The following ADAM33 variants were observed in gnomAD, a reference collection of about 807,000 sequenced individuals.
The protein encoded by ADAM33 is disintegrin and metalloproteinase domain-containing protein 33.
A neutral mutation model predicts 106.2 loss-of-function variants in ADAM33; 103 were observed. The observed-to-expected ratio is 0.97, with a 90% confidence interval of 0.83 to 1.14. The LOEUF (loss-of-function observed/expected upper bound fraction) is 1.14, where lower values mean the gene tolerates loss of function less well. ADAM33 is among the 50% of genes most tolerant of loss of function. The pLI, the probability that ADAM33 is intolerant of heterozygous loss-of-function variation, is 0.00. For missense variants in ADAM33, 1,120 were observed against 1,096.6 expected (o/e 1.02, Z -0.30); for synonymous variants, 483 against 453.0 (o/e 1.07, Z -0.84).
Position 3,671,676 on chromosome 20 carries a change from C to T in ADAM33, c.1810G>A (p.Val604Met). 1.3e-6 allele frequency: 2 copies of T among 1,585,496 alleles called. No individual in the cohort carries two copies. Among genetic ancestry groups the T allele is most frequent in the Middle Eastern group, 1.7e-4 (1 of 6,030 alleles). ...DSTVHLDGQE[V>M]TCRGALALPS... Reference sequence around the variant, plus strand: ...AGTGCCAAGGCTCCCCGACAAGTCACTTCCTGGCCATCTAGGTGAACGGTA... The same window carrying T: ...AGTGCCAAGGCTCCCCGACAAGTCATTTCCTGGCCATCTAGGTGAACGGTA... The change falls in exon 16 of 22, where the codon GTG becomes ATG. Residue 604 changes from valine (V) to methionine (M), a missense_variant. Physicochemically the swap from Val to Met is conservative, Grantham distance 21 (BLOSUM62 1). Coordinates refer to ENST00000356518, the MANE Select transcript of ADAM33 (RefSeq NM_025220.5).
intron 3 of ADAM33, 150 bp downstream of exon 3, chr20:3,676,917 G>C: frequency 1.2e-6 from 1 of 806,832 alleles, no homozygotes; most frequent in South Asian, 2.1e-5. Flanking sequence ...CAGCCTCCAG[G>C]GAGCCAACCA....
In ADAM33 at chr20:3,672,148, T is replaced by A. The variant is rs776168462; in HGVS notation, c.1583A>T (p.Gln528Leu). Reference protein sequence around the residue: ...ACPTLEQQCQQLWGPGSHPAP... With the variant: ...ACPTLEQQCQLLWGPGSHPAP... ...TGTCCTCTCACCAGGCCCCCAGAGCTGCTGGCACTGCTGCTCCAGCGTGGG... is the reference window on the plus strand; with the variant it reads ...TGTCCTCTCACCAGGCCCCCAGAGCAGCTGGCACTGCTGCTCCAGCGTGGG... Residue 528 changes from glutamine to leucine, a missense_variant, in exon 14 of 22, where the codon CAG (glutamine) becomes CTG (leucine). By Grantham distance (113) the Gln-to-Leu change is moderately radical. Transcript: ENST00000356518. 12 of 1,611,604 alleles carry A rather than the reference T, an allele frequency of 7.4e-6. No individual in the cohort carries two copies. The highest frequency in any genetic ancestry group is 1.0e-5 in the Non-Finnish European group (12 of 1,179,074).
chr20:3,670,992 C>A lies in ADAM33; in HGVS notation c.2240+14G>T, dbSNP rs370779804. ...CGCAGGAGTAGGCTCAGGAAGCAGGCGCTCGGAGCCTACCCACTGCACGCA... is the reference window on the plus strand; with the variant it reads ...CGCAGGAGTAGGCTCAGGAAGCAGGAGCTCGGAGCCTACCCACTGCACGCA... On this transcript the variant is annotated intron_variant, in intron 19 of 21. Transcript: ENST00000356518. The A allele has an allele frequency of 3.3e-6, 5 of 1,536,050 alleles. No individual in the cohort carries two copies. Among genetic ancestry groups the A allele is most frequent in the Non-Finnish European group, 3.5e-6 (4 of 1,140,154 alleles).
chr20:3,678,681 G>A (rs900182063), intron 2 of ADAM33, among the ~76,000 whole-genome samples: 2 of 152,226 alleles, frequency 1.3e-5, no homozygotes, highest in Non-Finnish European at 2.9e-5. Context: ...TCTAGGAGGG[G>A]CAGGGGTGTA....
intron 19 of ADAM33, chr20:3,669,852 G>C: frequency 1.5e-6 from 1 of 659,980 alleles, no homozygotes; most frequent in Non-Finnish European, 2.7e-6. Context: ...CCCTCGGCTG[G>C]CACCTCCTCT....
chr20:3,674,805 G>A lies in ADAM33; in HGVS notation c.378C>T (p.Ser126=), dbSNP rs777275679. Residue 126 remains serine, a synonymous_variant, in exon 5 of 22, where the codon TCC becomes TCT. Transcript: ENST00000356518. ...YQGRVRGFPD[S]WVVLCTCSGM... Reference sequence around the variant, plus strand: ...CAGAGCAGGTGCAGAGGACTACCCAGGAGTCGGGGAAGCCCCTTACTCGCC... The same window carrying A: ...CAGAGCAGGTGCAGAGGACTACCCAAGAGTCGGGGAAGCCCCTTACTCGCC... 2.4e-5 allele frequency: 38 copies of A among 1,611,338 alleles called. No individual in the cohort carries two copies. The highest frequency in any genetic ancestry group is 3.2e-5 in the Non-Finnish European group (38 of 1,178,516).
At position 3,668,613 on chromosome 20, in the gene ADAM33, T is replaced by C. The variant is rs993220705; in HGVS notation, c.*350A>G. On this transcript the variant is annotated 3_prime_UTR_variant, in exon 22 of 22. Coordinates refer to ENST00000356518, the MANE Select transcript of ADAM33 (RefSeq NM_025220.5). ...CAGAGCTGGGTCCGTGGAAATTGCA[T>C]GTAGGAGACACACCAGACTCCCAGG... 2.9e-6 allele frequency: 1 copy of C among 339,212 alleles called. No homozygotes were observed. The highest frequency in any genetic ancestry group is 3.7e-5 in the South Asian group (1 of 26,914). The allele number at this position is 339,212 out of a possible 1,614,324, so 21.0% of individuals were successfully genotyped here.
intron 11 of ADAM33, 44 bp from the exon 12 acceptor site, chr20:3,672,942 C>T: frequency 6.7e-7 from 1 of 1,487,768 alleles, no homozygotes; most frequent in South Asian, 1.3e-5. Context: ...GACAGTCCCC[C>T]AACCCCCGCG....
intron 1 of ADAM33, 75 bp from the exon 2 acceptor site, chr20:3,679,646 G>T: frequency 3.7e-6 from 5 of 1,349,798 alleles, no homozygotes; most frequent in South Asian, 1.3e-5. Context: ...GAGGGAGGGG[G>T]GTAGAGGACA....
rs1471121911 is a variant in ADAM33 at position 3,677,049 on chromosome 20, C to A, written c.254+18G>T. On this transcript the variant is annotated intron_variant, in intron 3 of 21. Coordinates refer to ENST00000356518, the MANE Select transcript of ADAM33 (RefSeq NM_025220.5). ...CACTGATCCCCTCCTCCCAGCCCTACCCCAGCCTGGCACTCACTGGTTCTT... is the reference window on the plus strand; with the variant it reads ...CACTGATCCCCTCCTCCCAGCCCTAACCCAGCCTGGCACTCACTGGTTCTT... The A allele has an allele frequency of 6.2e-7, 1 of 1,611,794 alleles. No homozygotes were observed. The highest frequency in any genetic ancestry group is 8.5e-7 in the Non-Finnish European group (1 of 1,179,504).
chr20:3,675,182 C>T lies in ADAM33; in HGVS notation c.255-77G>A. ...CCAGGATGTCTCCCAGCCTTCCTCC[C>T]TAAATGCTAATGGAGCAGCTTTATG... On this transcript the variant is annotated intron_variant, in intron 3 of 21. Coordinates refer to ENST00000356518, the MANE Select transcript of ADAM33 (RefSeq NM_025220.5). The surrounding 1 kb of genome is among the most constrained non-coding windows in gnomAD (Gnocchi z 4.1). The T allele has an allele frequency of 3.5e-6, 4 of 1,140,106 alleles. No homozygotes were observed. The highest frequency in any genetic ancestry group is 5.2e-6 in the Non-Finnish European group (4 of 776,650). 70.6% of individuals were successfully genotyped at this position (1,140,106 alleles called of 1,614,324 possible).
In ADAM33 at chr20:3,675,286, G is replaced by A. The variant is rs1347525689; in HGVS notation, c.255-181C>T. Among the ~76,000 whole-genome samples the A allele has an allele frequency of 1.3e-5, 2 of 152,222 alleles. No individual in the cohort carries two copies. Among genetic ancestry groups the A allele is most frequent in the Non-Finnish European group, 2.9e-5 (2 of 68,028 alleles). On this transcript the variant is annotated intron_variant, in intron 3 of 21. Transcript: ENST00000356518. The surrounding 1 kb of genome is among the most constrained non-coding windows in gnomAD (Gnocchi z 4.1). ...CTCAGATCAGAAACTCTTGGGGCTA[G>A]AGGAAGGAGCCTTGGTGATGGCTTA...
rs765046256 is a variant in ADAM33, at chr20:3,668,952, G to A, written c.*11C>T. On this transcript the variant is annotated 3_prime_UTR_variant, in exon 22 of 22. Transcript: ENST00000356518. ...CCTGTCTTTAAATCTGTTCATTTTA[G>A]GAGCTACCTCTCACCAGAGGCAGGA... 6.2e-7 allele frequency: 1 copy of A among 1,613,750 alleles called. No individual in the cohort carries two copies. Among genetic ancestry groups the A allele is most frequent in the Non-Finnish European group, 8.5e-7 (1 of 1,179,792 alleles).
In ADAM33 at chr20:3,673,885, C is replaced by T. The variant is rs752555142; in HGVS notation, c.765G>A (p.Val255=). Residue 255 remains valine (V), a synonymous_variant, in exon 9 of 22, where the codon GTG becomes GTA. Coordinates refer to ENST00000356518, the MANE Select transcript of ADAM33 (RefSeq NM_025220.5). ...DQLLRTLDIQ[V]ALTGLEVWTE... ...TCCACACCTCCAGGCCGGTCAGCGC[C>T]ACCTGAATGTCCAGAGTCCTGAGAA... The T allele has an allele frequency of 3.8e-6, 6 of 1,563,390 alleles. No individual in the cohort carries two copies. The highest frequency in any genetic ancestry group is 4.3e-6 in the Non-Finnish European group (5 of 1,161,904).
chr20:3,673,373 C>T lies in ADAM33; in HGVS notation c.1114G>A (p.Val372Ile). ...GCGTACCCGGTGGCCGCAGCCATGA[C>T]GCAGCCTCCGGACTCGGCCGCAGCC... Reference protein sequence around the residue: ...VEAAAESGGCVMAAATGHPFP... With the variant: ...VEAAAESGGCIMAAATGHPFP... Residue 372 changes from valine (V) to isoleucine (I), a missense_variant, in exon 11 of 22, where the codon GTC becomes ATC. Physicochemically the swap from Val to Ile is conservative, Grantham distance 29. Transcript: ENST00000356518. The T allele has an allele frequency of 6.5e-7, 1 of 1,540,796 alleles. No homozygotes were observed.
In ADAM33 at chr20:3,668,542, T is replaced by C. The variant is rs962007659; in HGVS notation, c.*421A>G. ...GGGGAGTGTGGACTCAGTCGAACCATAGGGCCCCAGGACCACTAGCTTCTG... is the reference window on the plus strand; with the variant it reads ...GGGGAGTGTGGACTCAGTCGAACCACAGGGCCCCAGGACCACTAGCTTCTG... On this transcript the variant is annotated 3_prime_UTR_variant, in exon 22 of 22. Coordinates refer to ENST00000356518, the MANE Select transcript of ADAM33 (RefSeq NM_025220.5). 12 of 230,906 alleles carry C rather than the reference T, an allele frequency of 5.2e-5. No homozygotes were observed. Among genetic ancestry groups the C allele is most frequent in the African/African-American group, 2.5e-4 (11 of 44,720 alleles). The allele number at this position is 230,906 out of a possible 1,614,324, so 14.3% of individuals were successfully genotyped here.
chr20:3,675,576 T>C lies in ADAM33; in HGVS notation c.255-471A>G, dbSNP rs1464414287. ...CCCCACCTGCCCTAGATCCTTGAAA[T>C]ATTTTCCTCAGACTTCTAGACCCCA... On this transcript the variant is annotated intron_variant, in intron 3 of 21. Transcript: ENST00000356518. This position sits in a 1 kb window ranked among gnomAD's most constrained non-coding sequence, Gnocchi z 4.1. 6.6e-6 allele frequency among the ~76,000 whole-genome samples: 1 copy of C among 151,914 alleles called. No homozygotes were observed. The highest frequency in any genetic ancestry group is 1.5e-5 in the Non-Finnish European group (1 of 67,950).
rs772282643 is a variant in ADAM33 at position 3,671,220 on chromosome 20, GC to G, written c.2092+16del. ...GCACCACCCCAGCTCCTGCCCACAT[GC>G]CCCCCACTGGCATACTTTCAGCCTG... On this transcript the variant is annotated intron_variant, in intron 18 of 21. Transcript: ENST00000356518. The G allele has an allele frequency of 6.2e-6, 10 of 1,613,102 alleles. No individual in the cohort carries two copies. Among genetic ancestry groups the G allele is most frequent in the Non-Finnish European group, 7.6e-6 (9 of 1,179,454 alleles).
chr20:3,680,649 G>A (rs1262469425), intron 1 of ADAM33, among the ~76,000 whole-genome samples: 1 of 152,164 alleles, frequency 6.6e-6, no homozygotes, highest in Non-Finnish European at 1.5e-5. Context: ...GTGGGGGAGG[G>A]GAAGGAGGGG....
Sources: allele counts gnomAD v4.1 joint callset (sites outside exome capture counted in the v4.1 genomes callset), GRCh38; gene constraint gnomAD v4.1.1; non-coding constraint Gnocchi (gnomAD v3.1); transcripts MANE v1.5; gene names NCBI Gene and HGNC (gene_info 2026-07-23, HGNC 2026-07-21).